Variants in TAP1 observed in about 807,000 individuals in gnomAD.
TAP1 encodes transporter 1, ATP binding cassette subfamily B member.
TAP1 carries 56 observed loss-of-function variants against 79.3 expected under a neutral mutation model. That is an observed-to-expected ratio of 0.71 (90% CI 0.57 to 0.88). The LOEUF (loss-of-function observed/expected upper bound fraction) is 0.88, where lower values mean the gene tolerates loss of function less well. Among genes scored for constraint, TAP1 ranks in the 40% least tolerant of loss-of-function variants. TAP1 has a pLI of 0.00. For missense variants in TAP1, 737 were observed against 936.3 expected (o/e 0.79, Z 2.78); for synonymous variants, 355 against 401.4 (o/e 0.88, Z 1.38).
In TAP1 at chr6:32,852,887, T is replaced by C. The variant is rs1184365364; in HGVS notation, c.598+152A>G. ...CCCGCCAGTCCAGTGCCGTTTCTTCTACACCGAAGTGGTGTTCCAAGACCC... is the reference window on the plus strand; with the variant it reads ...CCCGCCAGTCCAGTGCCGTTTCTTCCACACCGAAGTGGTGTTCCAAGACCC... On this transcript the variant is annotated intron_variant, in intron 1 of 10. Transcript: ENST00000354258. The surrounding 1 kb of genome is among the most constrained non-coding windows in gnomAD (Gnocchi z 4.8). The C allele has an allele frequency of 3.5e-6, 5 of 1,446,104 alleles. No homozygotes were observed. Among genetic ancestry groups the C allele is most frequent in the East Asian group, 2.5e-5 (1 of 40,288 alleles). The allele number at this position is 1,446,104 out of a possible 1,614,324, so 89.6% of individuals were successfully genotyped here.
Position 32,853,269 on chromosome 6 carries a change from C to G in TAP1, c.368G>C (p.Gly123Ala). Residue 123 changes from glycine (G) to alanine (A), a missense_variant, in exon 1 of 11, where the codon GGG (glycine) becomes GCG (alanine). By Grantham distance (60) the Gly-to-Ala change is moderately conservative. This residue lies in a region of TAP1 where 406 missense variants were observed against 477.2 expected (regional missense o/e 0.85). Coordinates refer to ENST00000354258, the MANE Select transcript of TAP1 (RefSeq NM_000593.6). This position sits in a 1 kb window ranked among gnomAD's most constrained non-coding sequence, Gnocchi z 8.3. ...FRELISWGAPGSADSTRLLHW... is the reference protein window; with the variant it reads ...FRELISWGAPASADSTRLLHW... ...CAGTAGCCTGGTGCTATCCGCGGAC[C>G]CGGGGGCTCCCCATGAGATCAGCTC... The G allele has an allele frequency of 1.9e-6, 3 of 1,589,548 alleles. No homozygotes were observed. The highest frequency in any genetic ancestry group is 2.6e-6 in the Non-Finnish European group (3 of 1,167,482).
In TAP1 at chr6:32,847,244, A is replaced by T. The variant is rs1399798552; in HGVS notation, c.1904-40T>A. 6.2e-7 allele frequency: 1 copy of T among 1,605,178 alleles called. No homozygotes were observed. Among genetic ancestry groups the T allele is most frequent in the African/African-American group, 1.4e-5 (1 of 72,662 alleles). On this transcript the variant is annotated intron_variant, in intron 9 of 10. Coordinates refer to ENST00000354258, the MANE Select transcript of TAP1 (RefSeq NM_000593.6). This position sits in a 1 kb window ranked among gnomAD's most constrained non-coding sequence, Gnocchi z 4.7. ...GCCAAGATGAGAACGGTATAGCCAC[A>T]TGTGTGCACGCATGTACATGCACAC... is the stretch of plus-strand genomic sequence containing the variant.
chr6:32,846,094 AAGG>A, intron 10 of TAP1: 1 of 472,620 alleles, frequency 2.1e-6, no homozygotes, highest in Middle Eastern at 5.8e-4. Flanking sequence ...ATTCGATTTT[AAGG>A]AAATATAACT....
At chr6:32,846,970 C>T (rs1770460616) in intron 10 of TAP1, 98 bp downstream of exon 10, 1 of 1,573,372 alleles carries the variant, frequency 6.4e-7, no homozygotes, top group Non-Finnish European at 8.6e-7. Flanking sequence ...ACTGCAAGGA[C>T]TGGTTTGTAT....
chr6:32,845,254 T>G lies in TAP1; in HGVS notation c.*325A>C. On this transcript the variant is annotated 3_prime_UTR_variant, in exon 11 of 11. Transcript: ENST00000354258. The surrounding 1 kb of genome is among the most constrained non-coding windows in gnomAD (Gnocchi z 4.5). ...ATAAATATCAAGAACCTACAGGGTG[T>G]TTATGGGCCAGCATATGCCTTCAGT... 2.1e-6 allele frequency: 1 copy of G among 483,798 alleles called. No homozygotes were observed. The highest frequency in any genetic ancestry group is 3.8e-6 in the Non-Finnish European group (1 of 265,532). 30.0% of individuals were successfully genotyped at this position (483,798 alleles called of 1,614,324 possible).
chr6:32,850,415 C>G lies in TAP1; in HGVS notation c.1153G>C (p.Gly385Arg). The G allele has an allele frequency of 6.2e-7, 1 of 1,614,236 alleles. No individual in the cohort carries two copies. Among genetic ancestry groups the G allele is most frequent in the Admixed American group, 1.7e-5 (1 of 60,032 alleles). Residue 385 changes from glycine (G) to arginine (R), a missense_variant, in exon 5 of 11, where the codon GGC becomes CGC. By Grantham distance (125) the Gly-to-Arg change is moderately radical. Around this residue, in one of 5 missense-constraint regions of TAP1, gnomAD observed 406 missense variants for 477.2 expected, o/e 0.85. Coordinates refer to ENST00000354258, the MANE Select transcript of TAP1 (RefSeq NM_000593.6). The surrounding 1 kb of genome is among the most constrained non-coding windows in gnomAD (Gnocchi z 5.5). ...PTVRSFANEE[G>R]EAQKFREKLQ... The stretch of plus-strand genomic sequence containing the variant: ...TTTTCCCTAAACTTCTGGGCTTCGC[C>G]CTCCTCGTTGGCAAAGCTTCGAACT...
In TAP1 at chr6:32,852,041, G is replaced by T. The variant is rs141319096; in HGVS notation, c.844+68C>A. On this transcript the variant is annotated intron_variant, in intron 3 of 10. Transcript: ENST00000354258. This position sits in a 1 kb window ranked among gnomAD's most constrained non-coding sequence, Gnocchi z 4.8. ...TGAGAGAGAGAGAGCGGGGAGGGGGGAGATCAAAGCAGATGTATGAGGATA... is the reference window on the plus strand; with the variant it reads ...TGAGAGAGAGAGAGCGGGGAGGGGGTAGATCAAAGCAGATGTATGAGGATA... 1.0e-3 allele frequency: 1,640 copies of T among 1,602,050 alleles called. 13 individuals carry two copies. In the African/African-American group the frequency reaches 0.018, roughly 17 times the overall value.
chr6:32,851,924 T>TGTGTGAGAGA lies in TAP1; in HGVS notation c.844+184_844+185insTCTCTCACAC, dbSNP rs1554246364. Among the ~76,000 whole-genome samples the TGTGTGAGAGA allele has an allele frequency of 1.9e-4, 28 of 147,434 alleles. No individual in the cohort carries two copies. In the East Asian group the frequency reaches 3.4e-3, roughly 18 times the overall value. On this transcript the variant is annotated intron_variant, in intron 3 of 10. Transcript: ENST00000354258. The surrounding 1 kb of genome is among the most constrained non-coding windows in gnomAD (Gnocchi z 4.8). ...AAAAACAATTGTGTGTGTGTGTGTG[T>TGTGTGAGAGA]GAGAGAGAGAGAGAGAGAGACAGAG...
In TAP1 at chr6:32,852,095, G is replaced by A. The variant is rs766545449; in HGVS notation, c.844+14C>T. ...ACAGTACATGGCGTATAATGAAAGA[G>A]TTTCAGGAGAAACCTGTCTGGTTCT... On this transcript the variant is annotated intron_variant, in intron 3 of 10. Coordinates refer to ENST00000354258, the MANE Select transcript of TAP1 (RefSeq NM_000593.6). The surrounding 1 kb of genome is among the most constrained non-coding windows in gnomAD (Gnocchi z 4.8). 6.2e-7 allele frequency: 1 copy of A among 1,612,976 alleles called. No homozygotes were observed. Among genetic ancestry groups the A allele is most frequent in the Non-Finnish European group, 8.5e-7 (1 of 1,180,026 alleles).
chr6:32,853,217 G>C lies in TAP1; in HGVS notation c.420C>G (p.Phe140Leu), dbSNP rs1292424235. 1.2e-6 allele frequency: 2 copies of C among 1,610,892 alleles called. No individual in the cohort carries two copies. Among genetic ancestry groups the C allele is most frequent in the East Asian group, 2.2e-5 (1 of 44,838 alleles). The change falls in exon 1 of 11, where the codon TTC (phenylalanine) becomes TTG (leucine). Residue 140 changes from phenylalanine to leucine, a missense_variant. Around this residue, in one of 5 missense-constraint regions of TAP1, gnomAD observed 406 missense variants for 477.2 expected, o/e 0.85. Coordinates refer to ENST00000354258, the MANE Select transcript of TAP1 (RefSeq NM_000593.6). This position sits in a 1 kb window ranked among gnomAD's most constrained non-coding sequence, Gnocchi z 8.3. Reference protein sequence around the residue: ...LLHWGSHPTAFVVSYAAALPA... With the variant: ...LLHWGSHPTALVVSYAAALPA... ...GCAGTGCCGCTGCATAACTGACAAC[G>C]AAGGCGGTAGGGTGACTTCCCCAGT...
rs1266678422 is a variant in TAP1 at position 32,847,038 on chromosome 6, A to T, written c.2040+30T>A. The T allele has an allele frequency of 1.2e-6, 2 of 1,610,760 alleles. No individual in the cohort carries two copies. The highest frequency in any genetic ancestry group is 1.7e-4 in the Middle Eastern group (1 of 6,060). On this transcript the variant is annotated intron_variant, in intron 10 of 10. Transcript: ENST00000354258. This position sits in a 1 kb window ranked among gnomAD's most constrained non-coding sequence, Gnocchi z 4.7. Reference sequence around the variant, plus strand: ...TATAAAAGAAGCAAGATTGGGTGGGATATAGCCATTAAGAAGATGACTGCC... The same window carrying T: ...TATAAAAGAAGCAAGATTGGGTGGGTTATAGCCATTAAGAAGATGACTGCC...
intron 6 of TAP1, 30 bp from the exon 7 acceptor site, chr6:32,848,870 G>T: frequency 6.2e-7 from 1 of 1,613,392 alleles, no homozygotes; most frequent in Non-Finnish European, 8.5e-7. Context: ...GTGAAAGTGA[G>T]GTAGTCTGCT....
Position 32,851,017 on chromosome 6 carries a change from G to A in TAP1, c.977C>T (p.Ser326Phe), listed in dbSNP as rs779346609. The change falls in exon 4 of 11, where the codon TCC becomes TTC. Residue 326 changes from serine (S) to phenylalanine (F), a missense_variant. Physicochemically the swap from Ser to Phe is radical, Grantham distance 155 (BLOSUM62 -2). Transcript: ENST00000354258. This position sits in a 1 kb window ranked among gnomAD's most constrained non-coding sequence, Gnocchi z 4.8. ...LLGIMLWGSV[S>F]LTMVTLITLP... ...GGTGATCAGGGTGACCATGGTGAGG[G>A]ACACTGATCCCCAGAGCATGATCCC... 2 of 1,612,974 alleles carry A rather than the reference G, an allele frequency of 1.2e-6. No individual in the cohort carries two copies. Among genetic ancestry groups the A allele is most frequent in the Non-Finnish European group, 1.7e-6 (2 of 1,179,998 alleles).
rs998182904 is a variant in TAP1, at chr6:32,852,834, T to C, written c.598+205A>G. 3 of 1,439,868 alleles carry C rather than the reference T, an allele frequency of 2.1e-6. No homozygotes were observed. Among genetic ancestry groups the C allele is most frequent in the Non-Finnish European group, 2.7e-6 (3 of 1,104,820 alleles). The allele number at this position is 1,439,868 out of a possible 1,614,324, so 89.2% of individuals were successfully genotyped here. On this transcript the variant is annotated intron_variant, in intron 1 of 10. Coordinates refer to ENST00000354258, the MANE Select transcript of TAP1 (RefSeq NM_000593.6). This position sits in a 1 kb window ranked among gnomAD's most constrained non-coding sequence, Gnocchi z 4.8. Reference sequence around the variant, plus strand: ...CGTGGCCCAAAGAATCAAGACCCGGTCAGCAATGGAGCCCAGAACCTCTGG... The same window carrying C: ...CGTGGCCCAAAGAATCAAGACCCGGCCAGCAATGGAGCCCAGAACCTCTGG...
At chr6:32,846,941 C>T (rs1770457392) in intron 10 of TAP1, 127 bp downstream of exon 10, 23 of 1,416,496 alleles carry the variant, frequency 1.6e-5, no homozygotes, top group Non-Finnish European at 2.0e-5. Flanking sequence ...TCCAATGGAA[C>T]TGGATTTGGG....
Position 32,847,410 on chromosome 6 carries a change from A to T in TAP1, c.1903+103T>A. ...TAGGAGCATGATCTTACAACTTCAA[A>T]TTGATGTCCATGAGTAAGGAGGAAC... On this transcript the variant is annotated intron_variant, in intron 9 of 10. Coordinates refer to ENST00000354258, the MANE Select transcript of TAP1 (RefSeq NM_000593.6). This position sits in a 1 kb window ranked among gnomAD's most constrained non-coding sequence, Gnocchi z 4.7. 1 of 1,561,546 alleles carries T rather than the reference A, an allele frequency of 6.4e-7. No homozygotes were observed. Among genetic ancestry groups the T allele is most frequent in the Non-Finnish European group, 8.8e-7 (1 of 1,134,342 alleles).
chr6:32,849,148 A>C, intron 5 of TAP1, 30 bp from the exon 6 acceptor site: 1 of 1,561,948 alleles, frequency 6.4e-7, no homozygotes, highest in African/African-American at 1.4e-5. Context: ...AAAGGGACTG[A>C]GGTAGAGAAA....
At chr6:32,848,925 T>A (rs888999755) in intron 6 of TAP1, 65 bp downstream of exon 6, 10 of 1,612,352 alleles carry the variant, frequency 6.2e-6, no homozygotes, top group Non-Finnish European at 1.7e-6. Context: ...TGGAAGGACA[T>A]CACACAGATG....
In TAP1 at chr6:32,851,924, T is replaced by TGTGAGA. The variant is rs1554246364; in HGVS notation, c.844+184_844+185insTCTCAC. On this transcript the variant is annotated intron_variant, in intron 3 of 10. Coordinates refer to ENST00000354258, the MANE Select transcript of TAP1 (RefSeq NM_000593.6). The surrounding 1 kb of genome is among the most constrained non-coding windows in gnomAD (Gnocchi z 4.8). ...AAAAACAATTGTGTGTGTGTGTGTG[T>TGTGAGA]GAGAGAGAGAGAGAGAGAGACAGAG... 0.025 allele frequency among the ~76,000 whole-genome samples: 3,664 copies of TGTGAGA among 147,126 alleles called. 44 individuals carry two copies. Among genetic ancestry groups the TGTGAGA allele is most frequent in the Non-Finnish European group, 0.03 (1,975 of 66,712 alleles).
Sources: gnomAD v4.1 joint callset for allele counts (sites outside exome capture counted in the v4.1 genomes callset) on GRCh38, gnomAD v4.1.1 for gene constraint, gnomAD v4.1.1 regional missense constraint, Gnocchi (gnomAD v3.1) non-coding constraint, MANE v1.5 for transcripts, NCBI Gene and HGNC (gene_info 2026-07-23, HGNC 2026-07-21) for gene names.